Variants in SUPT3H observed in about 807,000 individuals in gnomAD.
SUPT3H encodes the protein transcription initiation protein SPT3 homolog.
Under a neutral mutation model 44.3 loss-of-function variants are expected in SUPT3H, and 44 were observed. That is an observed-to-expected ratio of 0.99 (90% confidence interval 0.78 to 1.28). The LOEUF is 1.28. Among genes scored for constraint, SUPT3H ranks in the 50% most tolerant of loss-of-function variants. The pLI, the probability that SUPT3H is intolerant of heterozygous loss-of-function variation, is 0.00. For missense variants in SUPT3H, 380 were observed against 387.1 expected, an observed-to-expected ratio of 0.98 and a Z score of 0.15; for synonymous variants, 124 against 125.6, an observed-to-expected ratio of 0.99 and a Z score of 0.09.
chr6:45,096,406 T>C (rs1342947719), intron 3 of SUPT3H, among the ~76,000 whole-genome samples: 1 of 152,178 alleles, frequency 6.6e-6, no homozygotes. Flanking sequence ...TTATTTAACA[T>C]AGTATATAAT....
intron 2 of SUPT3H, among the ~76,000 whole-genome samples, chr6:45,254,118 C>T (rs1196036756): frequency 6.6e-6 from 1 of 151,924 alleles, no homozygotes; most frequent in East Asian, 1.9e-4. Context: ...ATGGGACCCA[C>T]TCTATTTGGC....
chr6:45,052,513 A>G (rs965979374), intron 3 of SUPT3H, among the ~76,000 whole-genome samples: 2 of 152,226 alleles, frequency 1.3e-5, no homozygotes, highest in Non-Finnish European at 2.9e-5. Flanking sequence ...TACAAACAGT[A>G]GCATTTTGTA....
At chr6:44,912,180 T>G (rs1391787135) in intron 10 of SUPT3H, among the ~76,000 whole-genome samples, 2 of 152,176 alleles carry the variant, frequency 1.3e-5, no homozygotes, top group Non-Finnish European at 2.9e-5. Flanking sequence ...TGTACAAGCA[T>G]CATCATCTAC....
chr6:45,303,447 A>G (rs1191843009), intron 2 of SUPT3H, among the ~76,000 whole-genome samples: 1 of 152,186 alleles, frequency 6.6e-6, no homozygotes, highest in Non-Finnish European at 1.5e-5. Flanking sequence ...AATCCCATCA[A>G]AAAGTGGGCT....
At chr6:45,289,721 G>T (rs1191606822) in intron 2 of SUPT3H, among the ~76,000 whole-genome samples, 7 of 152,132 alleles carry the variant, frequency 4.6e-5, no homozygotes, top group Non-Finnish European at 1.0e-4. Flanking sequence ...ACATCCATCA[G>T]TCATACCTCT....
intron 3 of SUPT3H, among the ~76,000 whole-genome samples, chr6:45,037,038 C>T (rs868686830): frequency 5.3e-5 from 8 of 151,830 alleles, no homozygotes; most frequent in South Asian, 4.2e-4. Flanking sequence ...ACAAGAGAGT[C>T]GCACTCAGAG....
chr6:44,821,480 C>T (rs1350239419), intron 11 of SUPT3H, among the ~76,000 whole-genome samples: 1 of 152,160 alleles, frequency 6.6e-6, no homozygotes, highest in African/African-American at 2.4e-5. Flanking sequence ...AAACCTGCCC[C>T]TCTTTCAATT....
chr6:45,108,839 CA>C (rs1296151086), intron 2 of SUPT3H, among the ~76,000 whole-genome samples: 2 of 151,878 alleles, frequency 1.3e-5, no homozygotes, highest in Non-Finnish European at 2.9e-5. Context: ...AACAATAAAA[CA>C]AGAAAAAACT....
chr6:45,156,796 G>T (rs116181361), intron 2 of SUPT3H, among the ~76,000 whole-genome samples: 5 of 151,386 alleles, frequency 3.3e-5, no homozygotes, highest in Admixed American at 6.6e-5. Flanking sequence ...TTTTTTATCA[G>T]AACACTTTTT....
chr6:45,187,380 A>C (rs1297692811), intron 2 of SUPT3H, among the ~76,000 whole-genome samples: 1 of 150,200 alleles, frequency 6.7e-6, no homozygotes, highest in Non-Finnish European at 1.5e-5. Context: ...GTGCCATTGC[A>C]CTCCAACCTG....
intron 2 of SUPT3H, among the ~76,000 whole-genome samples, chr6:45,329,518 A>G (rs1008449420): frequency 6.6e-6 from 1 of 151,936 alleles, no homozygotes; most frequent in African/African-American, 2.4e-5. Flanking sequence ...TTAATTTTAC[A>G]TCTACACACT....
At chr6:45,051,677 G>A (rs1790321122) in intron 3 of SUPT3H, among the ~76,000 whole-genome samples, 1 of 152,104 alleles carries the variant, frequency 6.6e-6, no homozygotes, top group African/African-American at 2.4e-5. Flanking sequence ...CAGTTTAAAA[G>A]CTGCTAAAGA....
chr6:44,815,972 T>C (rs1248787432), intron 11 of SUPT3H, among the ~76,000 whole-genome samples: 3 of 152,122 alleles, frequency 2.0e-5, no homozygotes, highest in African/African-American at 7.2e-5. Context: ...CATATGCACA[T>C]GTTCTGGGCC....
At chr6:44,817,936 C>T (rs1266082543) in intron 11 of SUPT3H, among the ~76,000 whole-genome samples, 4 of 151,980 alleles carry the variant, frequency 2.6e-5, no homozygotes, top group Non-Finnish European at 5.9e-5. Flanking sequence ...TGTAAGCAAT[C>T]CCAGTGAAAA....
chr6:45,228,793 T>C (rs958803033), intron 2 of SUPT3H, among the ~76,000 whole-genome samples: 3 of 152,004 alleles, frequency 2.0e-5, no homozygotes, highest in Non-Finnish European at 1.5e-5. Flanking sequence ...GCATGCACCA[T>C]CACACCAGGC....
intron 1 of SUPT3H, among the ~76,000 whole-genome samples, chr6:45,374,361 C>T (rs1796490067): frequency 6.6e-6 from 1 of 152,128 alleles, no homozygotes; most frequent in Non-Finnish European, 1.5e-5. Flanking sequence ...TTTAAATTAA[C>T]CTCTTATGAA....
At chr6:44,889,583 C>T (rs2153440407) in intron 10 of SUPT3H, among the ~76,000 whole-genome samples, 1 of 152,288 alleles carries the variant, frequency 6.6e-6, no homozygotes, top group Admixed American at 6.5e-5. Flanking sequence ...AACTGGATGC[C>T]TTCCTTACGC....
At chr6:45,006,425 C>T in intron 5 of SUPT3H, among the ~76,000 whole-genome samples, 1 of 151,894 alleles carries the variant, frequency 6.6e-6, no homozygotes, top group East Asian at 1.9e-4. Flanking sequence ...CATTTCTTCT[C>T]ATTGTTAATT....
chr6:44,993,325 C>G (rs1399907839), intron 6 of SUPT3H, among the ~76,000 whole-genome samples: 2 of 151,992 alleles, frequency 1.3e-5, no homozygotes, highest in African/African-American at 4.8e-5. Flanking sequence ...CCCTTGAGAG[C>G]CATCTTCAAA....
Sources: allele counts gnomAD v4.1 joint callset (sites outside exome capture counted in the v4.1 genomes callset), GRCh38; gene constraint gnomAD v4.1.1; transcripts MANE v1.5; gene names NCBI Gene and HGNC (gene_info 2026-07-23, HGNC 2026-07-21).